The following NRG3 variants were observed in gnomAD, a reference collection of about 807,000 sequenced individuals.
The protein encoded by NRG3 is neuregulin 3, also known as pro-neuregulin-3, membrane-bound isoform.
Under a neutral mutation model 66.9 loss-of-function variants are expected in NRG3, and 31 were observed. That is an observed-to-expected ratio of 0.46 (90% CI 0.35 to 0.63). The LOEUF is 0.63. NRG3 is among the 20% of genes least tolerant of loss of function. The pLI, the probability that NRG3 is intolerant of heterozygous loss-of-function variation, is 0.00. For missense variants in NRG3, 910 were observed against 878.9 expected (o/e 1.04, Z -0.45); for synonymous variants, 393 against 359.4 (o/e 1.09, Z -1.06).
chr10:82,564,262 G>A (rs764748344), intron 2 of NRG3, among the ~76,000 whole-genome samples: 1 of 152,148 alleles, frequency 6.6e-6, no homozygotes, highest in African/African-American at 2.4e-5. Flanking sequence ...GAGGCTGTCA[G>A]TGATATTATT....
At chr10:82,436,563 T>A (rs2090151980) in intron 2 of NRG3, among the ~76,000 whole-genome samples, 1 of 152,216 alleles carries the variant, frequency 6.6e-6, no homozygotes, top group African/African-American at 2.4e-5. Context: ...TATGTGTGAA[T>A]TTGATCCTGT....
At chr10:82,466,900 C>T (rs1840731067) in intron 2 of NRG3, among the ~76,000 whole-genome samples, 1 of 147,356 alleles carries the variant, frequency 6.8e-6, no homozygotes, top group Admixed American at 6.8e-5. Flanking sequence ...ATTTGGGGCC[C>T]TAGTACCCTG....
At chr10:82,925,640 G>T (rs764846813) in intron 4 of NRG3, among the ~76,000 whole-genome samples, 1 of 152,148 alleles carries the variant, frequency 6.6e-6, no homozygotes, top group East Asian at 1.9e-4. Flanking sequence ...TTTGCCAAGG[G>T]TTATTATTTT....
intron 2 of NRG3, among the ~76,000 whole-genome samples, chr10:82,540,429 G>T (rs1413414230): frequency 1.1e-4 from 17 of 151,818 alleles, no homozygotes. Flanking sequence ...GTTTTGGGGG[G>T]TCAGACAAAT....
chr10:82,940,958 C>T (rs367631022), intron 4 of NRG3, among the ~76,000 whole-genome samples: 59 of 152,296 alleles, frequency 3.9e-4, no homozygotes, highest in Middle Eastern at 3.4e-3. Flanking sequence ...GGAGTCATTA[C>T]TTCAACATCT....
chr10:82,317,975 T>A (rs1414277294), intron 1 of NRG3, among the ~76,000 whole-genome samples: 1 of 151,280 alleles, frequency 6.6e-6, no homozygotes, highest in Non-Finnish European at 1.5e-5. Context: ...TATAGACAAA[T>A]GAGGCAGAGT....
chr10:82,885,090 A>G (rs1410202138), intron 4 of NRG3, among the ~76,000 whole-genome samples: 1 of 152,220 alleles, frequency 6.6e-6, no homozygotes, highest in African/African-American at 2.4e-5. Flanking sequence ...TGATGTTATA[A>G]TAGGAAAATA....
intron 2 of NRG3, among the ~76,000 whole-genome samples, chr10:82,666,520 T>TA (rs1185939617): frequency 6.6e-6 from 1 of 152,046 alleles, no homozygotes; most frequent in African/African-American, 2.4e-5. Flanking sequence ...TATTTGCATC[T>TA]AAAAAAAATT....
intron 2 of NRG3, among the ~76,000 whole-genome samples, chr10:82,712,171 A>T (rs142230108): frequency 0.012 from 1,689 of 146,430 alleles, 29 homozygotes; most frequent in African/African-American, 0.04. Flanking sequence ...TTCTAAATAT[A>T]TGTTATTGGA....
At chr10:82,797,676 ACT>A (rs1405000077) in intron 3 of NRG3, among the ~76,000 whole-genome samples, 2 of 151,190 alleles carry the variant, frequency 1.3e-5, no homozygotes, top group Non-Finnish European at 2.9e-5. Flanking sequence ...CCTCAACACC[ACT>A]CTCTACTTGC....
chr10:82,090,692 G>A (rs556575028), intron 1 of NRG3, among the ~76,000 whole-genome samples: 1 of 152,230 alleles, frequency 6.6e-6, no homozygotes, highest in Non-Finnish European at 1.5e-5. Flanking sequence ...ACATAAACCA[G>A]AACTCAGCTG....
At chr10:81,914,178 A>C (rs1183730147) in intron 1 of NRG3, among the ~76,000 whole-genome samples, 1 of 152,236 alleles carries the variant, frequency 6.6e-6, no homozygotes, top group Non-Finnish European at 1.5e-5. Flanking sequence ...TTATATTTTT[A>C]CAATGAACAC....
intron 2 of NRG3, among the ~76,000 whole-genome samples, chr10:82,420,413 C>T (rs1454695159): frequency 6.6e-6 from 1 of 152,112 alleles, no homozygotes; most frequent in Non-Finnish European, 1.5e-5. Flanking sequence ...CTTCAAAGAA[C>T]AAATGAACCA....
At chr10:82,724,489 A>G (rs765871597) in intron 2 of NRG3, among the ~76,000 whole-genome samples, 24 of 152,314 alleles carry the variant, frequency 1.6e-4, no homozygotes, top group Non-Finnish European at 8.8e-5. Context: ...ATATCCTGGG[A>G]GAAATAGGGA....
intron 2 of NRG3, among the ~76,000 whole-genome samples, chr10:82,640,436 G>T (rs1189567472): frequency 1.3e-5 from 2 of 152,168 alleles, no homozygotes; most frequent in Non-Finnish European, 2.9e-5. Context: ...ACTTTGGACT[G>T]CCTGGTAACA....
At chr10:81,963,655 G>A (rs1037998012) in intron 1 of NRG3, among the ~76,000 whole-genome samples, 2 of 152,078 alleles carry the variant, frequency 1.3e-5, no homozygotes, top group Non-Finnish European at 2.9e-5. Flanking sequence ...ATCCATCCAC[G>A]TCCCCGCTTG....
At chr10:82,085,380 T>C (rs2065658197) in intron 1 of NRG3, among the ~76,000 whole-genome samples, 1 of 152,108 alleles carries the variant, frequency 6.6e-6, no homozygotes, top group South Asian at 2.1e-4. Context: ...GTTGCTATAA[T>C]AGAATTTCTG....
At chr10:82,673,940 C>A (rs915725387) in intron 2 of NRG3, among the ~76,000 whole-genome samples, 1 of 152,026 alleles carries the variant, frequency 6.6e-6, no homozygotes, top group South Asian at 2.1e-4. Flanking sequence ...CAAGACTGAA[C>A]CTTGGAACTT....
chr10:82,454,688 AG>A (rs1349614187), intron 2 of NRG3, among the ~76,000 whole-genome samples: 1 of 152,220 alleles, frequency 6.6e-6, no homozygotes, highest in Non-Finnish European at 1.5e-5. Flanking sequence ...AAATGTTTAA[AG>A]TAAAACTACA....
Sources: allele counts gnomAD v4.1 joint callset (sites outside exome capture counted in the v4.1 genomes callset), GRCh38; gene constraint gnomAD v4.1.1; transcripts MANE v1.5; gene names NCBI Gene and HGNC (gene_info 2026-07-23, HGNC 2026-07-21).